OR11A1: variants seen among roughly 807,000 people sequenced by gnomAD.
The protein encoded by OR11A1 is olfactory receptor family 11 subfamily A member 1.
For missense variants in OR11A1, 380 were observed against 378.2 expected, an observed-to-expected ratio of 1.00 and a Z score of -0.04; for synonymous variants, 158 against 152.2, an observed-to-expected ratio of 1.04 and a Z score of -0.28.
Position 29,427,569 on chromosome 6 carries a change from G to T in OR11A1, c.73C>A (p.Leu25Met). The T allele has an allele frequency of 6.2e-7, 1 of 1,613,018 alleles. No individual in the cohort carries two copies. The highest frequency in any genetic ancestry group is 1.1e-5 in the South Asian group (1 of 91,072). ...VLLGFYDIPE[L>M]HFLFFIVFTA... ...AATACAATAAAAAACAAGAAATGCA[G>T]TTCAGGGATGTCATAGAAGCCAAGG... Residue 25 changes from leucine (L) to methionine (M), a missense_variant, in exon 5 of 5, where the codon CTG (leucine) becomes ATG (methionine). By Grantham distance (15) the Leu-to-Met change is conservative. Coordinates refer to ENST00000377149, the MANE Select transcript of OR11A1 (RefSeq NM_001394828.1).
At chr6:29,442,550 T>C (rs1485341923) in intron 1 of OR11A1, among the ~76,000 whole-genome samples, 1 of 152,264 alleles carries the variant, frequency 6.6e-6, no homozygotes, top group African/African-American at 2.4e-5. Flanking sequence ...GTGGTGATTC[T>C]GTCCAGAGAG....
chr6:29,430,559 G>A (rs1184808471), intron 2 of OR11A1, 134 bp from the exon 3 acceptor site: 2 of 462,924 alleles, frequency 4.3e-6, no homozygotes, highest in Non-Finnish European at 5.7e-6. Context: ...AAATATCTCA[G>A]AAACAGAAAG....
chr6:29,440,619 A>G (rs749717713), intron 1 of OR11A1: 1 of 1,613,968 alleles, frequency 6.2e-7, no homozygotes, highest in African/African-American at 1.3e-5. Flanking sequence ...TATCCTGGCA[A>G]CAGCCCTCCT....
Position 29,429,879 on chromosome 6 carries a change from A to C in OR11A1, c.-140+422T>G, listed in dbSNP as rs560743783. Among the ~76,000 whole-genome samples, 199 of 152,318 alleles carry C rather than the reference A, an allele frequency of 1.3e-3. 6 individuals carry two copies. In the South Asian group the frequency reaches 0.036, roughly 27 times the overall value. ...CTAGAGCTTCATTCTATAGGCAGCA[A>C]GGCACAGCTGAAGGCTTTTAAACAG... On this transcript the variant is annotated intron_variant, in intron 3 of 4. Coordinates refer to ENST00000377149, the MANE Select transcript of OR11A1 (RefSeq NM_001394828.1).
chr6:29,440,685 A>G lies in OR11A1; in HGVS notation c.-388-8698T>C, dbSNP rs755809263. 1.5e-5 allele frequency: 25 copies of G among 1,613,964 alleles called. No individual in the cohort carries two copies. In the East Asian group the frequency reaches 1.8e-4, roughly 12 times the overall value. ...CTCCTACGGGCGTATCCTCGTTACC[A>G]TCTTCCGGATCCCATCTGTTGCGGG... On this transcript the variant is annotated intron_variant, in intron 1 of 4. Coordinates refer to ENST00000377149, the MANE Select transcript of OR11A1 (RefSeq NM_001394828.1).
In OR11A1 at chr6:29,431,909, G is replaced by A; in HGVS notation, c.-310C>T. 1 of 985,350 alleles carries A rather than the reference G, an allele frequency of 1.0e-6. No individual in the cohort carries two copies. Among genetic ancestry groups the A allele is most frequent in the Non-Finnish European group, 1.2e-6 (1 of 829,860 alleles). The allele number at this position is 985,350 out of a possible 1,614,324, so 61.0% of individuals were successfully genotyped here. A position where few individuals can be genotyped will look rare whatever the true frequency, so the allele number is the denominator to read the frequency against. On this transcript the variant is annotated 5_prime_UTR_variant, in exon 2 of 5. Transcript: ENST00000377149. ...TCTAAAGACAGGACTGTGAGGAGGAGATGATCTGCTAAGATTTGCTGAAGA... is the reference window on the plus strand; with the variant it reads ...TCTAAAGACAGGACTGTGAGGAGGAAATGATCTGCTAAGATTTGCTGAAGA...
At position 29,425,829 on chromosome 6, in the gene OR11A1, T is replaced by C. The variant is rs1782758144; in HGVS notation, c.*865A>G. On this transcript the variant is annotated 3_prime_UTR_variant, in exon 5 of 5. Coordinates refer to ENST00000377149, the MANE Select transcript of OR11A1 (RefSeq NM_001394828.1). ...AGCTTTAGATTTTTAAAAACACATATCCTTAGATCTTGCAATTTAGGTGCT... is the reference window on the plus strand; with the variant it reads ...AGCTTTAGATTTTTAAAAACACATACCCTTAGATCTTGCAATTTAGGTGCT... 6.6e-6 allele frequency: 1 copy of C among 152,208 alleles called. No homozygotes were observed. The highest frequency in any genetic ancestry group is 1.5e-5 in the Non-Finnish European group (1 of 68,034). The allele number at this position is 152,208 out of a possible 1,614,324, so 9.4% of individuals were successfully genotyped here.
intron 1 of OR11A1, among the ~76,000 whole-genome samples, chr6:29,445,700 C>T (rs61224854): frequency 2.0e-5 from 3 of 151,992 alleles, no homozygotes; most frequent in African/African-American, 2.4e-5. Flanking sequence ...GAGCCTAGCA[C>T]GTGGGGATCT....
At chr6:29,443,216 TCACGAA>T (rs1784386952) in intron 1 of OR11A1, among the ~76,000 whole-genome samples, 1 of 152,150 alleles carries the variant, frequency 6.6e-6, no homozygotes, top group African/African-American at 2.4e-5. Context: ...ATAGGCGCAA[TCACGAA>T]ATGAACATAT....
At chr6:29,428,357 G>T in intron 4 of OR11A1, 3 of 985,566 alleles carry the variant, frequency 3.0e-6, no homozygotes, top group Non-Finnish European at 3.6e-6. Flanking sequence ...AGCAGAGAAG[G>T]ACCAAACCCA....
At position 29,451,849 on chromosome 6, in the gene OR11A1, C is replaced by T. The variant is rs139418885; in HGVS notation, c.-389+5138G>A. Reference sequence around the variant, plus strand: ...GCAATCTCATTACTGGAAATATACACGAAGGAATATAAATTATTCTACCAT... The same window carrying T: ...GCAATCTCATTACTGGAAATATACATGAAGGAATATAAATTATTCTACCAT... On this transcript the variant is annotated intron_variant, in intron 1 of 4. Coordinates refer to ENST00000377149, the MANE Select transcript of OR11A1 (RefSeq NM_001394828.1). Among the ~76,000 whole-genome samples the T allele has an allele frequency of 2.2e-3, 339 of 152,164 alleles. 2 individuals are homozygous for T. Among genetic ancestry groups the T allele is most frequent in the Non-Finnish European group, 2.5e-3 (173 of 67,988 alleles).
chr6:29,431,680 C>A (rs898851744), intron 2 of OR11A1, among the ~76,000 whole-genome samples, 184 bp downstream of exon 2: 2 of 152,144 alleles, frequency 1.3e-5, no homozygotes, highest in African/African-American at 4.8e-5. Context: ...AAGAGCAGCA[C>A]TGGTATTCTA....
intron 1 of OR11A1, among the ~76,000 whole-genome samples, chr6:29,433,209 C>A (rs1379785530): frequency 6.6e-6 from 1 of 152,176 alleles, no homozygotes; most frequent in Non-Finnish European, 1.5e-5. Flanking sequence ...CTCAGATCTA[C>A]TCTTTTAGCA....
Position 29,427,718 on chromosome 6 carries a change from C to T in OR11A1, c.-77G>A, listed in dbSNP as rs187626834. 6.1e-4 allele frequency: 926 copies of T among 1,506,492 alleles called. 2 individuals are homozygous for T. The African/African-American group carries it at 9.0e-3, about 15-fold the overall frequency. The allele number at this position is 1,506,492 out of a possible 1,614,324, so 93.3% of individuals were successfully genotyped here. Reference sequence around the variant, plus strand: ...TGTCTCTGCATCTTCTATACCAAGCCTAACGTTATTAGAGCTAAAACAAAA... The same window carrying T: ...TGTCTCTGCATCTTCTATACCAAGCTTAACGTTATTAGAGCTAAAACAAAA... On this transcript the variant is annotated 5_prime_UTR_variant, in exon 5 of 5. Coordinates refer to ENST00000377149, the MANE Select transcript of OR11A1 (RefSeq NM_001394828.1).
intron 1 of OR11A1, chr6:29,439,941 C>T: frequency 8.8e-7 from 1 of 1,130,990 alleles, no homozygotes; most frequent in Non-Finnish European, 1.3e-6. Flanking sequence ...GTCATCTTTG[C>T]CCATTTCACG....
rs1385285148 is a variant in OR11A1, at chr6:29,427,388, T to C, written c.254A>G (p.Glu85Gly). ...YTSAVMPKML[E>G]GFLQEATISV... Reference sequence around the variant, plus strand: ...GATAGTTGCTTCTTGCAGGAAGCCCTCCAGCATTTTTGGCATCACTGCGGA... The same window carrying C: ...GATAGTTGCTTCTTGCAGGAAGCCCCCCAGCATTTTTGGCATCACTGCGGA... The change falls in exon 5 of 5, where the codon GAG (glutamate) becomes GGG (glycine). Residue 85 changes from glutamate (E) to glycine (G), a missense_variant. Glu to Gly is a moderately conservative substitution (Grantham distance 98). Transcript: ENST00000377149. 8.1e-6 allele frequency: 13 copies of C among 1,613,044 alleles called. No individual in the cohort carries two copies. The highest frequency in any genetic ancestry group is 1.1e-5 in the Non-Finnish European group (13 of 1,180,012).
In OR11A1 at chr6:29,427,667, C is replaced by A; in HGVS notation, c.-26G>T. The A allele has an allele frequency of 1.9e-6, 3 of 1,583,044 alleles. No homozygotes were observed. The highest frequency in any genetic ancestry group is 2.2e-5 in the East Asian group (1 of 44,558). ...GTCGATCGTCCAAGTTTCTGCTTGG[C>A]AATAATTGGGGGAGAAATTTTAGCA... On this transcript the variant is annotated 5_prime_UTR_variant, in exon 5 of 5. Coordinates refer to ENST00000377149, the MANE Select transcript of OR11A1 (RefSeq NM_001394828.1).
chr6:29,439,019 A>C (rs1783874520), intron 1 of OR11A1, among the ~76,000 whole-genome samples: 2 of 152,210 alleles, frequency 1.3e-5, no homozygotes, highest in South Asian at 4.1e-4. Context: ...ACAACCTTGA[A>C]TATGGCTGGA....
At chr6:29,442,846 C>A (rs1784336553) in intron 1 of OR11A1, among the ~76,000 whole-genome samples, 2 of 152,334 alleles carry the variant, frequency 1.3e-5, no homozygotes, top group African/African-American at 4.8e-5. Flanking sequence ...AATTTAAAAT[C>A]TAAATCTTAT....
Sources: gnomAD v4.1 joint callset for allele counts (sites outside exome capture counted in the v4.1 genomes callset) on GRCh38, gnomAD v4.1.1 for gene constraint, MANE v1.5 for transcripts, NCBI Gene and HGNC (gene_info 2026-07-23, HGNC 2026-07-21) for gene names.